Variants in CAST observed in about 807,000 individuals in gnomAD.
CAST encodes calpastatin.
Under a neutral mutation model 119.6 loss-of-function variants are expected in CAST, and 76 were observed. That is an observed-to-expected ratio of 0.64 (90% confidence interval 0.53 to 0.77). CAST has a LOEUF of 0.77. Ranked by LOEUF, CAST falls within the 30% of genes least tolerant of loss-of-function variation. The pLI, the probability that CAST is intolerant of heterozygous loss-of-function variation, is 0.00. For missense variants in CAST, 953 were observed against 946.5 expected (o/e 1.01, Z -0.09); for synonymous variants, 319 against 331.6 (o/e 0.96, Z 0.41).
the CAST span, among the ~76,000 whole-genome samples, chr5:96,296,095 A>G: frequency 6.6e-6 from 1 of 152,212 alleles, no homozygotes; most frequent in Non-Finnish European, 1.5e-5. Flanking sequence ...AATGTTTTGT[A>G]TAGTTTTTCC....
At chr5:96,431,076 T>C in the CAST span, among the ~76,000 whole-genome samples, 5 of 152,296 alleles carry the variant, frequency 3.3e-5, no homozygotes, top group South Asian at 1.0e-3. Flanking sequence ...CAGTAGCTGC[T>C]CAAGGAATAC....
intron 1 of CAST, among the ~76,000 whole-genome samples, chr5:96,590,178 T>A (rs1487456982): frequency 8.5e-5 from 13 of 152,202 alleles, no homozygotes; most frequent in Admixed American, 4.6e-4. Context: ...AAAAATGCAG[T>A]CCATGAACCA....
At chr5:96,616,409 G>T (rs1041883071) in intron 1 of CAST, among the ~76,000 whole-genome samples, 10 of 152,120 alleles carry the variant, frequency 6.6e-5, no homozygotes, top group Admixed American at 1.3e-4. Context: ...AACCAAGTAG[G>T]TTCCTCCTGA....
At chr5:96,682,975 C>A (rs976451137) in intron 2 of CAST, among the ~76,000 whole-genome samples, 1 of 152,114 alleles carries the variant, frequency 6.6e-6, no homozygotes, top group Non-Finnish European at 1.5e-5. Flanking sequence ...ACAACCCATC[C>A]TCCCACACCC....
At chr5:96,128,702 G>C in the CAST span, among the ~76,000 whole-genome samples, 1 of 152,100 alleles carries the variant, frequency 6.6e-6, no homozygotes, top group African/African-American at 2.4e-5. Context: ...ATGCATAGAA[G>C]TGAAATTAAT....
At chr5:96,442,783 C>T in the CAST span, among the ~76,000 whole-genome samples, 68 of 152,284 alleles carry the variant, frequency 4.5e-4, no homozygotes, top group African/African-American at 1.4e-3. Context: ...TTGGCATTTA[C>T]CCTACCACTG....
At chr5:96,486,967 T>C in the CAST span, among the ~76,000 whole-genome samples, 2 of 151,134 alleles carry the variant, frequency 1.3e-5, no homozygotes, top group African/African-American at 4.8e-5. Flanking sequence ...AAGGAAAAGG[T>C]TTTATAATTT....
the CAST span, among the ~76,000 whole-genome samples, chr5:95,997,380 C>T: frequency 6.6e-6 from 1 of 152,098 alleles, no homozygotes; most frequent in Non-Finnish European, 1.5e-5. Context: ...AGAAAAACAG[C>T]ATTTGTGAAA....
the CAST span, among the ~76,000 whole-genome samples, chr5:95,966,920 C>T: frequency 6.6e-6 from 1 of 152,146 alleles, no homozygotes; most frequent in Admixed American, 6.5e-5. Flanking sequence ...AATGTCCTGT[C>T]CACAGAACTG....
At chr5:96,720,769 A>G (rs1758092563) in intron 3 of CAST, among the ~76,000 whole-genome samples, 1 of 152,254 alleles carries the variant, frequency 6.6e-6, no homozygotes, top group African/African-American at 2.4e-5. Flanking sequence ...CAGGCTGGAC[A>G]ATTCAAGGCA....
the CAST span, among the ~76,000 whole-genome samples, chr5:96,507,155 C>G: frequency 6.6e-6 from 1 of 152,062 alleles, no homozygotes; most frequent in Admixed American, 6.6e-5. Flanking sequence ...AGTCAGCACC[C>G]TCGGAAGGGA....
At chr5:96,181,500 TTGCAAACCAC>T in the CAST span, among the ~76,000 whole-genome samples, 10 of 152,176 alleles carry the variant, frequency 6.6e-5, no homozygotes, top group Non-Finnish European at 8.8e-5. Flanking sequence ...TTAGCAAAAT[TTGCAAACCAC>T]TGTTGGCCAT....
chr5:96,300,085 T>C, the CAST span, among the ~76,000 whole-genome samples: 1 of 152,298 alleles, frequency 6.6e-6, no homozygotes, highest in East Asian at 1.9e-4. Flanking sequence ...GTTTCCTCTG[T>C]TGTGCAGAAG....
At chr5:96,141,656 T>C in the CAST span, among the ~76,000 whole-genome samples, 1 of 152,236 alleles carries the variant, frequency 6.6e-6, no homozygotes. Context: ...CTATGTATAG[T>C]CTTGCTATTG....
the CAST span, among the ~76,000 whole-genome samples, chr5:96,131,407 T>G: frequency 6.6e-6 from 1 of 150,828 alleles, no homozygotes; most frequent in Admixed American, 6.6e-5. Flanking sequence ...AAATTTAATA[T>G]CTTGTTATTA....
the CAST span, among the ~76,000 whole-genome samples, chr5:95,962,860 G>T: frequency 6.6e-6 from 1 of 152,306 alleles, no homozygotes; most frequent in Admixed American, 6.5e-5. Context: ...CCTAGCTAGG[G>T]TTTAAAGGTA....
chr5:96,755,062 C>CG (rs1561588803), intron 22 of CAST: 1 of 171,102 alleles, frequency 5.8e-6, no homozygotes, highest in African/African-American at 2.4e-5. Context: ...AGGAATAGGC[C>CG]GGGCATGGTG....
the CAST span, among the ~76,000 whole-genome samples, chr5:96,452,654 A>T: frequency 1.0e-4 from 15 of 147,406 alleles, 1 homozygote; most frequent in Middle Eastern, 6.9e-3. Flanking sequence ...AAAAAAAAAA[A>T]AAAAAAAAAA....
At chr5:96,699,929 C>T (rs1229845479) in intron 3 of CAST, among the ~76,000 whole-genome samples, 2 of 152,194 alleles carry the variant, frequency 1.3e-5, no homozygotes, top group Non-Finnish European at 2.9e-5. Flanking sequence ...GCGCAAACAA[C>T]TTTCCTCCCA....
Sources: gnomAD v4.1 joint callset for allele counts (sites outside exome capture counted in the v4.1 genomes callset) on GRCh38, gnomAD v4.1.1 for gene constraint, MANE v1.5 for transcripts, NCBI Gene and HGNC (gene_info 2026-07-23, HGNC 2026-07-21) for gene names.